Variants in SNED1 observed in about 807,000 individuals in gnomAD.
SNED1 encodes the protein sushi, nidogen and EGF like domains 1.
In SNED1, 81 loss-of-function variants were observed where a neutral mutation model predicts 166.7. The observed-to-expected ratio is 0.49, with a 90% CI of 0.41 to 0.58. The LOEUF (loss-of-function observed/expected upper bound fraction) is 0.58. SNED1 is among the 20% of genes least tolerant of loss of function. SNED1 has a pLI of 0.00. For synonymous variants in SNED1, 762 were observed against 822.0 expected (o/e 0.93, Z 1.25); for missense variants, 1,604 against 2,000.2 (o/e 0.80, Z 3.78).
chr2:241,009,073 C>T (rs943966611), intron 1 of SNED1, among the ~76,000 whole-genome samples: 10 of 152,164 alleles, frequency 6.6e-5, no homozygotes, highest in African/African-American at 2.2e-4. Flanking sequence ...GAAGGAGTGA[C>T]GGGGGTGCCC....
At position 241,050,008 on chromosome 2, in the gene SNED1, G is replaced by C. The variant is rs766533172; in HGVS notation, c.1735+75G>C. Reference sequence around the variant, plus strand: ...CCGCGGTCCGCCGTCCTGCTTCTCTGCTGTCTCTCTCCTTGTTTCGCGAAT... The same window carrying C: ...CCGCGGTCCGCCGTCCTGCTTCTCTCCTGTCTCTCTCCTTGTTTCGCGAAT... On this transcript the variant is annotated intron_variant, in intron 12 of 31. Coordinates refer to ENST00000310397, the MANE Select transcript of SNED1 (RefSeq NM_001080437.3). The C allele has an allele frequency of 3.8e-6, 4 of 1,062,520 alleles. No homozygotes were observed. The East Asian group carries it at 9.6e-5, about 25-fold the overall frequency. 65.8% of individuals were successfully genotyped at this position (1,062,520 alleles called of 1,614,324 possible). A position where few individuals can be genotyped will look rare whatever the true frequency, so the allele number is the denominator to read the frequency against.
chr2:241,047,905 C>T (rs1217092084), intron 8 of SNED1, among the ~76,000 whole-genome samples: 1 of 151,394 alleles, frequency 6.6e-6, no homozygotes, highest in Non-Finnish European at 1.5e-5. Context: ...GGTGGTCTCT[C>T]CGGTGCTTCT....
At position 241,064,165 on chromosome 2, in the gene SNED1, C is replaced by T; in HGVS notation, c.2599+40C>T. The T allele has an allele frequency of 7.2e-7, 1 of 1,388,866 alleles. No individual in the cohort carries two copies. 86.0% of individuals were successfully genotyped at this position (1,388,866 alleles called of 1,614,324 possible). ...CTGCCTGCTCCCCGCCCTCTGCCCGCCTGCTCCCCGCCCTCTGCCCGCCTG... is the reference window on the plus strand; with the variant it reads ...CTGCCTGCTCCCCGCCCTCTGCCCGTCTGCTCCCCGCCCTCTGCCCGCCTG... On this transcript the variant is annotated intron_variant, in intron 19 of 31. Transcript: ENST00000310397. This position sits in a 1 kb window ranked among gnomAD's most constrained non-coding sequence, Gnocchi z 7.0.
At chr2:241,033,970 G>A (rs2061265165) in intron 3 of SNED1, 95 bp downstream of exon 3, 1 of 1,433,864 alleles carries the variant, frequency 7.0e-7, no homozygotes, top group Non-Finnish European at 9.4e-7. Flanking sequence ...GCTCACCATA[G>A]GCAGATCCCC....
At position 241,087,769 on chromosome 2, in the gene SNED1, C is replaced by T. The variant is rs1174699638; in HGVS notation, c.4205+294C>T. 1.2e-5 allele frequency: 13 copies of T among 1,099,636 alleles called. No homozygotes were observed. The East Asian group carries it at 1.2e-4, about 10-fold the overall frequency. 68.1% of individuals were successfully genotyped at this position (1,099,636 alleles called of 1,614,324 possible). ...TACAATTGGGAAGCACAGGGTGTTA[C>T]GGACAGCCCCGAGTATTTAATGGCC... On this transcript the variant is annotated intron_variant, in intron 30 of 31. Coordinates refer to ENST00000310397, the MANE Select transcript of SNED1 (RefSeq NM_001080437.3).
Position 241,031,191 on chromosome 2 carries a change from G to A in SNED1, c.501+620G>A, listed in dbSNP as rs537947522. Among the ~76,000 whole-genome samples the A allele has an allele frequency of 5.4e-4, 82 of 151,742 alleles. 1 individual carries two copies. In the South Asian group the frequency reaches 0.017, roughly 31 times the overall value. ...AACACTTTTTTTTTTTTGAGATGGC[G>A]TCTTGCTCTGTCGCCCAGGCTGGAG... On this transcript the variant is annotated intron_variant, in intron 2 of 31. Transcript: ENST00000310397.
At chr2:241,088,663 A>C in intron 31 of SNED1, 1 of 487,824 alleles carries the variant, frequency 2.0e-6, no homozygotes, top group Non-Finnish European at 3.6e-6. Flanking sequence ...GGCAAATCCC[A>C]CTCTCTCTCA....
chr2:241,006,453 C>T (rs916044531), intron 1 of SNED1, among the ~76,000 whole-genome samples: 2 of 152,250 alleles, frequency 1.3e-5, no homozygotes, highest in Admixed American at 1.3e-4. Context: ...TTGTTTTCCA[C>T]AGTGGTATGG....
intron 2 of SNED1, among the ~76,000 whole-genome samples, chr2:241,032,498 C>T (rs1480111500): frequency 4.5e-5 from 3 of 66,366 alleles, no homozygotes; most frequent in African/African-American, 1.3e-4. Flanking sequence ...GTGGGGGGGT[C>T]GGGGGAGGGA....
intron 1 of SNED1, among the ~76,000 whole-genome samples, chr2:241,003,820 T>C (rs1186013543): frequency 6.6e-6 from 1 of 152,238 alleles, no homozygotes; most frequent in Non-Finnish European, 1.5e-5. Flanking sequence ...GTGACACTTC[T>C]GTGTGTGATG....
intron 1 of SNED1, among the ~76,000 whole-genome samples, chr2:241,005,360 C>A (rs1338364405): frequency 1.3e-5 from 2 of 151,908 alleles, no homozygotes; most frequent in African/African-American, 4.8e-5. Context: ...CCCACCATCA[C>A]CCCCAGCTAA....
At chr2:241,067,314 C>G (rs2062496658) in intron 21 of SNED1, among the ~76,000 whole-genome samples, 2 of 152,226 alleles carry the variant, frequency 1.3e-5, no homozygotes, top group African/African-American at 4.8e-5. Flanking sequence ...GGCCCCTTCC[C>G]TGCAGTTGCT....
intron 31 of SNED1, chr2:241,089,160 T>C: frequency 1.3e-6 from 1 of 785,764 alleles, no homozygotes; most frequent in South Asian, 2.0e-5. Flanking sequence ...GAAAGCCATC[T>C]ACAACCTGTT....
intron 1 of SNED1, among the ~76,000 whole-genome samples, chr2:241,016,455 C>G (rs948283539): frequency 5.9e-5 from 9 of 151,954 alleles, no homozygotes; most frequent in African/African-American, 1.9e-4. Flanking sequence ...CTCGGCCTCC[C>G]AAAGTGCTGG....
rs757208015 is a variant in SNED1, at chr2:241,048,309, T to C, written c.1274-6T>C. 2 of 1,593,524 alleles carry C rather than the reference T, an allele frequency of 1.3e-6. No individual in the cohort carries two copies. Among genetic ancestry groups the C allele is most frequent in the Admixed American group, 3.6e-5 (2 of 55,732 alleles). On this transcript the variant is annotated splice_region_variant and splice_polypyrimidine_tract_variant and intron_variant, in intron 8 of 31. Coordinates refer to ENST00000310397, the MANE Select transcript of SNED1 (RefSeq NM_001080437.3). ...TGGCCGCTGGTGACTGCCGTCTTTC[T>C]TGCAGGAGACCATCCAGTGCCAGAC...
chr2:241,011,112 G>GGGTCTCCTGGGTCTCCTGGGGGTGGCA (rs2060380444), intron 1 of SNED1, among the ~76,000 whole-genome samples: 1 of 144,434 alleles, frequency 6.9e-6, no homozygotes, highest in African/African-American at 2.6e-5. Context: ...CAGGTCTCCT[G>GGGTCTCCTGGGTCTCCTGGGGGTGGCA]GGTCTCCTGG....
intron 1 of SNED1, among the ~76,000 whole-genome samples, chr2:241,011,103 AGGTCTCCTG>A (rs1298965305): frequency 2.7e-5 from 3 of 111,336 alleles, no homozygotes; most frequent in Admixed American, 9.8e-5. Flanking sequence ...TGGGGGTGGC[AGGTCTCCTG>A]GGTCTCCTGG....
At chr2:241,090,204 ATTT>A in intron 31 of SNED1, 1 of 1,474,796 alleles carries the variant, frequency 6.8e-7, no homozygotes, top group East Asian at 2.5e-5. Flanking sequence ...TGTTTTTAAA[ATTT>A]TTAATTGTTT....
chr2:241,041,660 G>A lies in SNED1; in HGVS notation c.1273+1247G>A, dbSNP rs191196655. On this transcript the variant is annotated intron_variant, in intron 8 of 31. Transcript: ENST00000310397. ...AGATCGCACCACTGCACTCCACCCTGGGTAACAGAATGAGTGAGACTCTGT... is the reference window on the plus strand; with the variant it reads ...AGATCGCACCACTGCACTCCACCCTAGGTAACAGAATGAGTGAGACTCTGT... 1.2e-4 allele frequency among the ~76,000 whole-genome samples: 18 copies of A among 152,228 alleles called. No individual in the cohort carries two copies. The East Asian group carries it at 3.5e-3, about 29-fold the overall frequency.
Sources: allele counts gnomAD v4.1 joint callset (sites outside exome capture counted in the v4.1 genomes callset), GRCh38; gene constraint gnomAD v4.1.1; non-coding constraint Gnocchi (gnomAD v3.1); transcripts MANE v1.5; gene names NCBI Gene and HGNC (gene_info 2026-07-23, HGNC 2026-07-21).